Variants in PPAN observed in about 807,000 individuals in gnomAD.
PPAN encodes the protein suppressor of SWI4 1 homolog.
A neutral mutation model predicts 48.5 loss-of-function variants in PPAN; 39 were observed. That is an observed-to-expected ratio of 0.80 (90% CI 0.62 to 1.05). The LOEUF (loss-of-function observed/expected upper bound fraction) is 1.05. Among genes scored for constraint, PPAN ranks in the 50% least tolerant of loss-of-function variants. The pLI, the probability that PPAN is intolerant of heterozygous loss-of-function variation, is 0.00. For synonymous variants in PPAN, 315 were observed against 268.6 expected (o/e 1.17, Z -1.69); for missense variants, 736 against 661.7 (o/e 1.11, Z -1.23).
At chr19:10,108,186 G>T in intron 5 of PPAN, 52 bp downstream of exon 5, 1 of 1,561,200 alleles carries the variant, frequency 6.4e-7, no homozygotes, top group Non-Finnish European at 8.7e-7. Context: ...GCGGATAGAG[G>T]TGCCACAGGC....
At chr19:10,106,479 C>G (rs1282627431) in intron 1 of PPAN, 22 bp from the exon 2 acceptor site, 1 of 1,549,536 alleles carries the variant, frequency 6.5e-7, no homozygotes. Context: ...CGGCGCTGAC[C>G]CTTTGTCTCT....
At position 10,111,985 on chromosome 19, in the gene PPAN, C is replaced by T. The variant is rs938410080; in HGVS notation, c.*820C>T. 11 of 487,972 alleles carry T rather than the reference C, an allele frequency of 2.3e-5. No individual in the cohort carries two copies. Among genetic ancestry groups the T allele is most frequent in the African/African-American group, 2.0e-4 (10 of 50,584 alleles). The allele number at this position is 487,972 out of a possible 1,614,324, so 30.2% of individuals were successfully genotyped here. ...ATTAGCTGGGCCTGGTGGCACATGC[C>T]TGTAATCCCAGCTACTCGGGAGGCT... is the stretch of plus-strand genomic sequence containing the variant. On this transcript the variant is annotated 3_prime_UTR_variant, in exon 12 of 12. Transcript: ENST00000253107.
At chr19:10,106,313 G>A (rs537856657), upstream of PPAN, 3 of 1,542,806 alleles carry the variant, frequency 1.9e-6, no homozygotes, top group African/African-American at 1.4e-5. Context: ...GTCCCACGCC[G>A]TGCCGGCTCT....
In PPAN at chr19:10,107,992, C is replaced by T; in HGVS notation, c.371C>T (p.Ser124Leu). 2 of 1,610,208 alleles carry T rather than the reference C, an allele frequency of 1.2e-6. No individual in the cohort carries two copies. Among genetic ancestry groups the T allele is most frequent in the Non-Finnish European group, 1.7e-6 (2 of 1,177,776 alleles). ...KYSLVRDVVS[S>L]LRRHRMHEQQ... ...TCGCTGGTGCGTGATGTGGTCTCCT[C>T]ACTGCGCCGGCACCGCATGCACGAG... is the stretch of plus-strand genomic sequence containing the variant. Residue 124 changes from serine (S) to leucine (L), a missense_variant, in exon 5 of 12, where the codon TCA becomes TTA. By Grantham distance (145) the Ser-to-Leu change is moderately radical. Transcript: ENST00000253107.
At chr19:10,108,809 G>A (rs1038049951) in intron 5 of PPAN, among the ~76,000 whole-genome samples, 1 of 151,592 alleles carries the variant, frequency 6.6e-6, no homozygotes, top group Non-Finnish European at 1.5e-5. Context: ...TAGATTCCAG[G>A]GGGCAGGACT....
In PPAN at chr19:10,111,192, G is replaced by A. The variant is rs1294698438; in HGVS notation, c.*27G>A. ...CCCAAGCCGCACCGGAGCAGCGGCT[G>A]GATTGAACGCCCCAGATTGGGGCCC... is the stretch of plus-strand genomic sequence containing the variant. On this transcript the variant is annotated 3_prime_UTR_variant, in exon 12 of 12. Transcript: ENST00000253107. The A allele has an allele frequency of 6.6e-7, 1 of 1,526,682 alleles. No individual in the cohort carries two copies. The highest frequency in any genetic ancestry group is 8.8e-7 in the Non-Finnish European group (1 of 1,139,350). 94.6% of individuals were successfully genotyped at this position (1,526,682 alleles called of 1,614,324 possible).
rs767302597 is a variant in PPAN, at chr19:10,107,704, T to C, written c.291+98T>C. 20 of 1,608,910 alleles carry C rather than the reference T, an allele frequency of 1.2e-5. No individual in the cohort carries two copies. The Admixed American group carries it at 2.2e-4, about 17-fold the overall frequency. ...CCTCTGAGCTGCTGTGATTTCTGGC[T>C]TCAAAGTAAACGCTCTGAAGAAGAG... On this transcript the variant is annotated intron_variant, in intron 3 of 11. Transcript: ENST00000253107.
chr19:10,111,523 T>A lies in PPAN; in HGVS notation c.*358T>A. On this transcript the variant is annotated 3_prime_UTR_variant, in exon 12 of 12. Coordinates refer to ENST00000253107, the MANE Select transcript of PPAN (RefSeq NM_020230.7). ...CCGTGCAAGCAGACAGGTCACACTTTCAGCAGATGAGCTTGAACCTCAGGA... is the reference window on the plus strand; with the variant it reads ...CCGTGCAAGCAGACAGGTCACACTTACAGCAGATGAGCTTGAACCTCAGGA... 3.0e-6 allele frequency: 2 copies of A among 668,508 alleles called. No individual in the cohort carries two copies. Among genetic ancestry groups the A allele is most frequent in the Non-Finnish European group, 5.2e-6 (2 of 386,902 alleles). The allele number at this position is 668,508 out of a possible 1,614,324, so 41.4% of individuals were successfully genotyped here. A position where few individuals can be genotyped will look rare whatever the true frequency, so the allele number is the denominator to read the frequency against.
At position 10,109,919 on chromosome 19, in the gene PPAN, C is replaced by G; in HGVS notation, c.597C>G (p.Ile199Met). The G allele has an allele frequency of 6.2e-7, 1 of 1,614,030 alleles. No individual in the cohort carries two copies. Among genetic ancestry groups the G allele is most frequent in the Non-Finnish European group, 8.5e-7 (1 of 1,179,904 alleles). The change falls in exon 7 of 12, where the codon ATC (isoleucine) becomes ATG (methionine). Residue 199 changes from isoleucine (I) to methionine (M), a missense_variant. Transcript: ENST00000253107. ...SQELDFRHYS[I>M]KVVPVGASRG... ...TCCACTCATGTTCCTGCAGTAGCAT[C>G]AAAGTTGTTCCTGTGGGCGCGAGTC...
rs766729415 is a variant in PPAN at position 10,106,586 on chromosome 19, C to T, written c.104C>T (p.Thr35Met). The T allele has an allele frequency of 8.4e-6, 13 of 1,552,068 alleles. No homozygotes were observed. The highest frequency in any genetic ancestry group is 1.1e-5 in the Non-Finnish European group (13 of 1,148,698). The change falls in exon 2 of 12, where the codon ACG (threonine) becomes ATG (methionine). Residue 35 changes from threonine to methionine, a missense_variant. Coordinates refer to ENST00000253107, the MANE Select transcript of PPAN (RefSeq NM_020230.7). ...YAANPHSFVF[T>M]RGCTGRNIRQ... ...GCGAACCCGCACTCGTTCGTGTTCA[C>T]GCGAGGCTGCACGGGTCGCAACATC...
Position 10,108,068 on chromosome 19 carries a change from T to C in PPAN, c.447T>C (p.His149=), listed in dbSNP as rs147280427. The part of the protein sequence containing the change: ...PLLVLNSFGP[H]GMHVKLMATM... ...TGGTACTCAACAGCTTTGGCCCCCA[T>C]GGTATGCATGTGAAGCTCATGGCCA... is the stretch of plus-strand genomic sequence containing the variant. The change falls in exon 5 of 12, where the codon CAT becomes CAC. Residue 149 remains histidine (H), a synonymous_variant. Transcript: ENST00000253107. The C allele has an allele frequency of 9.5e-5, 154 of 1,613,918 alleles. No individual in the cohort carries two copies. The highest frequency in any genetic ancestry group is 5.3e-4 in the Admixed American group (32 of 59,960).
chr19:10,109,550 GT>G, intron 5 of PPAN, 80 bp from the exon 6 acceptor site: 1 of 1,454,018 alleles, frequency 6.9e-7, no homozygotes, highest in African/African-American at 1.4e-5. Context: ...TCCACGAACA[GT>G]GTGTGTATCC....
intron 5 of PPAN, among the ~76,000 whole-genome samples, 175 bp downstream of exon 5, chr19:10,108,309 A>G (rs1156333009): frequency 6.6e-6 from 1 of 152,158 alleles, no homozygotes; most frequent in Non-Finnish European, 1.5e-5. Flanking sequence ...AAAAGTGTCC[A>G]GAGATTCCCC....
At chr19:10,109,496 C>T in intron 5 of PPAN, 135 bp from the exon 6 acceptor site, 1 of 1,094,632 alleles carries the variant, frequency 9.1e-7, no homozygotes. Context: ...GTAGCTAAAA[C>T]TGCAGGTGCG....
At position 10,106,679 on chromosome 19, in the gene PPAN, C is replaced by G; in HGVS notation, c.189+8C>G. On this transcript the variant is annotated splice_region_variant and intron_variant, in intron 2 of 11. Transcript: ENST00000253107. ...ACTGCCAGCCGTCTGCAGGTTTGTA[C>G]CCCACCCCCAGCCCGCCTCCACCCA... 6.6e-7 allele frequency: 1 copy of G among 1,522,658 alleles called. No homozygotes were observed. Among genetic ancestry groups the G allele is most frequent in the Non-Finnish European group, 8.8e-7 (1 of 1,130,056 alleles). 94.3% of individuals were successfully genotyped at this position (1,522,658 alleles called of 1,614,324 possible). A position where few individuals can be genotyped will look rare whatever the true frequency, so the allele number is the denominator to read the frequency against.
chr19:10,110,585 G>T lies in PPAN; in HGVS notation c.1002G>T (p.Gln334His). 6.2e-7 allele frequency: 1 copy of T among 1,603,304 alleles called. No individual in the cohort carries two copies. Among genetic ancestry groups the T allele is most frequent in the African/African-American group, 1.3e-5 (1 of 74,900 alleles). ...AGGCCCAGCAGGCCCAGAATGTGCA[G>T]CGCAAGCAGGAGCAGCGGGAGGCCC... ...QRQAQQAQNV[Q>H]RKQEQREAHR... The change falls in exon 10 of 12, where the codon CAG (glutamine) becomes CAT (histidine). Residue 334 changes from glutamine to histidine, a missense_variant. Transcript: ENST00000253107. This position sits in a 1 kb window ranked among gnomAD's most constrained non-coding sequence, Gnocchi z 5.9.
rs1271575450 is a variant in PPAN at position 10,106,627 on chromosome 19, G to T, written c.145G>T (p.Asp49Tyr). The T allele has an allele frequency of 3.9e-6, 6 of 1,549,424 alleles. No homozygotes were observed. Among genetic ancestry groups the T allele is most frequent in the Non-Finnish European group, 3.5e-6 (4 of 1,147,370 alleles). ...TGRNIRQLSLDVRRVMEPLTA... is the reference protein window; with the variant it reads ...TGRNIRQLSLYVRRVMEPLTA... ...TCGCAACATCCGGCAGCTCAGCCTG[G>T]ACGTGCGGCGGGTCATGGAGCCGCT... Residue 49 changes from aspartate (D) to tyrosine (Y), a missense_variant, in exon 2 of 12, where the codon GAC becomes TAC. Asp to Tyr is a radical substitution (Grantham distance 160). Transcript: ENST00000253107.
rs769072397 is a variant in PPAN at position 10,110,470 on chromosome 19, C to A, written c.902-15C>A. 2.5e-6 allele frequency: 4 copies of A among 1,612,452 alleles called. No individual in the cohort carries two copies. The highest frequency in any genetic ancestry group is 1.7e-6 in the Non-Finnish European group (2 of 1,179,694). The stretch of plus-strand genomic sequence containing the variant: ...GCTGCACCCGGATCTTGGTGACCCG[C>A]GTCTCTTGGCTCAGTGAGCAAGACG... On this transcript the variant is annotated splice_polypyrimidine_tract_variant and intron_variant, in intron 9 of 11. Transcript: ENST00000253107. This position sits in a 1 kb window ranked among gnomAD's most constrained non-coding sequence, Gnocchi z 5.9.
At position 10,108,023 on chromosome 19, in the gene PPAN, G is replaced by T. The variant is rs375757799; in HGVS notation, c.402G>T (p.Gln134His). ...GCCGGCACCGCATGCACGAGCAGCA[G>T]TTTGCCCACCCACCCCTCCTGGTAC... ...SLRRHRMHEQQFAHPPLLVLN... is the reference protein window; with the variant it reads ...SLRRHRMHEQHFAHPPLLVLN... The change falls in exon 5 of 12, where the codon CAG becomes CAT. Residue 134 changes from glutamine (Q) to histidine (H), a missense_variant. Gln to His is a conservative substitution (Grantham distance 24). Transcript: ENST00000253107. 153 of 1,613,636 alleles carry T rather than the reference G, an allele frequency of 9.5e-5. No homozygotes were observed. Among genetic ancestry groups the T allele is most frequent in the Non-Finnish European group, 1.1e-4 (135 of 1,179,830 alleles).
Sources: gnomAD v4.1 joint callset for allele counts (sites outside exome capture counted in the v4.1 genomes callset) on GRCh38, gnomAD v4.1.1 for gene constraint, Gnocchi (gnomAD v3.1) non-coding constraint, MANE v1.5 for transcripts, NCBI Gene and HGNC (gene_info 2026-07-23, HGNC 2026-07-21) for gene names.